The following EVC2 variants were observed in gnomAD, a reference collection of about 807,000 sequenced individuals.
EVC2 encodes limbin.
Under a neutral mutation model 149.3 loss-of-function variants are expected in EVC2, and 148 were observed. That is an observed-to-expected ratio of 0.99 (90% CI 0.87 to 1.14). EVC2 has a LOEUF of 1.14. Ranked by LOEUF, EVC2 falls within the 50% of genes most tolerant of loss-of-function variation. EVC2 has a pLI of 0.00. For missense variants in EVC2, 1,854 were observed against 1,627.3 expected (o/e 1.14, Z -2.40); for synonymous variants, 776 against 649.9 (o/e 1.19, Z -2.95).
intron 4 of EVC2, 42 bp downstream of exon 4, chr4:5,691,223 A>G (rs1274949775): frequency 1.9e-6 from 3 of 1,562,408 alleles, no homozygotes; most frequent in Non-Finnish European, 2.6e-6. Context: ...GGCAAAATCC[A>G]ATTATTTTCT....
At position 5,704,447 on chromosome 4, in the gene EVC2, G is replaced by A. The variant is rs555918326; in HGVS notation, c.228+3839C>T. Among the ~76,000 whole-genome samples the A allele has an allele frequency of 1.6e-4, 25 of 152,270 alleles. No individual in the cohort carries two copies. The South Asian group carries it at 4.8e-3, about 29-fold the overall frequency. ...ATTTCGGTTCTGCCTTGGTGCATGA[G>A]TTGTGGAGTGCCTGTGAGCCTCCAC... On this transcript the variant is annotated intron_variant, in intron 1 of 21. Coordinates refer to ENST00000344408, the MANE Select transcript of EVC2 (RefSeq NM_147127.5).
intron 15 of EVC2, among the ~76,000 whole-genome samples, chr4:5,616,576 C>T (rs914255123): frequency 6.6e-6 from 1 of 152,272 alleles, no homozygotes; most frequent in African/African-American, 2.4e-5. Flanking sequence ...CTCCACCTGG[C>T]CCCGTATACC....
downstream of EVC2, among the ~76,000 whole-genome samples, chr4:5,562,177 G>A (rs900696861): frequency 1.3e-5 from 2 of 152,188 alleles, no homozygotes; most frequent in African/African-American, 4.8e-5. This position sits in a 1 kb window ranked among gnomAD's most constrained non-coding sequence, Gnocchi z 4.3. Context: ...TGTGAATCCT[G>A]ATTTTGCCAT....
At chr4:5,564,103 T>A (rs191764523) in intron 21 of EVC2, among the ~76,000 whole-genome samples, 1 of 152,286 alleles carries the variant, frequency 6.6e-6, no homozygotes, top group African/African-American at 2.4e-5. Flanking sequence ...AACGGCAGGC[T>A]TGCTGACCCT....
At chr4:5,597,262 C>A (rs989325729) in intron 16 of EVC2, among the ~76,000 whole-genome samples, 194 of 151,586 alleles carry the variant, frequency 1.3e-3, no homozygotes, top group Non-Finnish European at 2.3e-3. Flanking sequence ...GAGACACAAC[C>A]AAAAAAGAGA....
At chr4:5,548,786 C>G (rs147924600) in intron 21 of EVC2, among the ~76,000 whole-genome samples, 1 of 152,272 alleles carries the variant, frequency 6.6e-6, no homozygotes, top group Non-Finnish European at 1.5e-5. Context: ...AATAGAGATT[C>G]ATTTACACAA....
At chr4:5,649,118 C>T (rs1717933382) in intron 9 of EVC2, among the ~76,000 whole-genome samples, 1 of 152,230 alleles carries the variant, frequency 6.6e-6, no homozygotes, top group Admixed American at 6.5e-5. Context: ...TTGGGTTACA[C>T]ATGCTGGGCT....
chr4:5,554,510 C>G (rs1037869381), intron 21 of EVC2, among the ~76,000 whole-genome samples: 2 of 152,164 alleles, frequency 1.3e-5, no homozygotes, highest in African/African-American at 4.8e-5. Flanking sequence ...GAAAGATCCC[C>G]TAGTGGCTCT....
intron 15 of EVC2, among the ~76,000 whole-genome samples, chr4:5,617,897 G>A (rs1715375589): frequency 6.6e-6 from 1 of 152,216 alleles, no homozygotes; most frequent in Admixed American, 6.5e-5. Context: ...AAGCAAGGCT[G>A]TGGTCTCAGG....
chr4:5,630,075 T>A (rs1302501278), intron 11 of EVC2, among the ~76,000 whole-genome samples: 1 of 152,196 alleles, frequency 6.6e-6, no homozygotes, highest in Non-Finnish European at 1.5e-5. Context: ...CGCCATGGCG[T>A]CTGAATACCA....
At chr4:5,540,876 G>C (rs1422371830), downstream of EVC2, among the ~76,000 whole-genome samples, 1 of 152,152 alleles carries the variant, frequency 6.6e-6, no homozygotes, top group East Asian at 1.9e-4. Context: ...TCACCCATCA[G>C]ATCGCCAGAA....
At chr4:5,628,864 C>A in intron 11 of EVC2, 130 bp from the exon 12 acceptor site, 1 of 915,824 alleles carries the variant, frequency 1.1e-6, no homozygotes, top group Non-Finnish European at 1.6e-6. Flanking sequence ...AGAATTAACA[C>A]CTTTAACCTC....
intron 9 of EVC2, among the ~76,000 whole-genome samples, chr4:5,660,588 A>C (rs374421174): frequency 1.3e-5 from 2 of 152,276 alleles, no homozygotes; most frequent in South Asian, 4.1e-4. Flanking sequence ...AATTCTCTTG[A>C]GAAAGACTCA....
chr4:5,574,549 C>T (rs138733536), intron 19 of EVC2, 136 bp downstream of exon 19: 17 of 862,580 alleles, frequency 2.0e-5, no homozygotes, highest in East Asian at 1.5e-4. Flanking sequence ...GCTAGAGCTT[C>T]GCACACATCT....
intron 11 of EVC2, among the ~76,000 whole-genome samples, chr4:5,630,655 C>T (rs184663593): frequency 6.7e-4 from 102 of 152,212 alleles, no homozygotes; most frequent in Middle Eastern, 6.8e-3. Flanking sequence ...CACTCATGAC[C>T]GTGAACACAT....
Position 5,565,321 on chromosome 4 carries a change from A to T in EVC2, c.3596T>A (p.Leu1199Gln), listed in dbSNP as rs1722209063. 1 of 1,614,090 alleles carries T rather than the reference A, an allele frequency of 6.2e-7. No homozygotes were observed. Among genetic ancestry groups the T allele is most frequent in the Non-Finnish European group, 8.5e-7 (1 of 1,180,020 alleles). Residue 1199 changes from leucine (L) to glutamine (Q), a missense_variant, in exon 21 of 22, where the codon CTG (leucine) becomes CAG (glutamine). Coordinates refer to ENST00000344408, the MANE Select transcript of EVC2 (RefSeq NM_147127.5). ...TCCTCTGCTTATCAGATCTCCTCGC[A>T]GTTTGCCATCTAAGGCTTGCCACCA... ...QSWWQALDGK[L>Q]RGDLISRGLE...
At chr4:5,615,328 C>A in intron 16 of EVC2, 94 bp downstream of exon 16, 2 of 1,588,600 alleles carry the variant, frequency 1.3e-6, no homozygotes, top group Non-Finnish European at 8.6e-7. Flanking sequence ...GATGGCACAG[C>A]CCCAAGGGCT....
rs552334528 is a variant in EVC2 at position 5,597,600 on chromosome 4, C to G, written c.2830-12750G>C. Among the ~76,000 whole-genome samples the G allele has an allele frequency of 5.7e-3, 867 of 151,378 alleles. 4 individuals carry two copies. The highest frequency in any genetic ancestry group is 0.019 in the African/African-American group (803 of 41,440). On this transcript the variant is annotated intron_variant, in intron 16 of 21. Coordinates refer to ENST00000344408, the MANE Select transcript of EVC2 (RefSeq NM_147127.5). ...ATAAGAGCTATCTATGACAAACCCA[C>G]AGCCAATATCACACTGAATGGGCAA...
At chr4:5,708,695 G>C, upstream of EVC2, 1 of 480,136 alleles carries the variant, frequency 2.1e-6, no homozygotes, top group South Asian at 4.3e-5. Flanking sequence ...GTGGGAGGGG[G>C]AGAGCGAGTT....
Sources: allele counts gnomAD v4.1 joint callset (sites outside exome capture counted in the v4.1 genomes callset), GRCh38; gene constraint gnomAD v4.1.1; non-coding constraint Gnocchi (gnomAD v3.1); transcripts MANE v1.5; gene names NCBI Gene and HGNC (gene_info 2026-07-23, HGNC 2026-07-21).